The following COL1A2 variants were observed in gnomAD, a reference collection of about 807,000 sequenced individuals.
The protein encoded by COL1A2 is collagen type I alpha 2 chain, also known as collagen alpha-2(I) chain.
COL1A2 carries 49 observed loss-of-function variants against 174.3 expected under a neutral mutation model. That is an observed-to-expected ratio of 0.28 (90% CI 0.22 to 0.36). The LOEUF is 0.36. Ranked by LOEUF, COL1A2 falls within the 10% of genes least tolerant of loss-of-function variation. The probability of loss-of-function intolerance (pLI) is 1.00; values close to 1 mark genes in which losing one functional copy is unlikely to be tolerated. For synonymous variants in COL1A2, 655 were observed against 606.6 expected, an observed-to-expected ratio of 1.08 and a Z score of -1.17; for missense variants, 1,438 against 1,822.7, an observed-to-expected ratio of 0.79 and a Z score of 3.84.
At chr7:94,423,978 C>T (rs183110392) in intron 40 of COL1A2, 79 of 242,700 alleles carry the variant, frequency 3.3e-4, no homozygotes, top group Non-Finnish European at 5.6e-4. Flanking sequence ...TTGAGGAACC[C>T]CTCCTACTAT....
chr7:94,402,833 T>G (rs900799473), intron 6 of COL1A2, among the ~76,000 whole-genome samples: 21 of 152,158 alleles, frequency 1.4e-4, no homozygotes, highest in African/African-American at 4.8e-4. Context: ...GAAGATGTTC[T>G]GCTGGAGCTA....
chr7:94,408,829 A>C lies in COL1A2; in HGVS notation c.792+6A>C, dbSNP rs754653013. ...CAGGTGCCCCTGGCCCCAAGGTAAA[A>C]ACACTGGTGACCATTGTCACTACTT... is the stretch of plus-strand genomic sequence containing the variant. On this transcript the variant is annotated splice_donor_region_variant and intron_variant, in intron 16 of 51. Coordinates refer to ENST00000297268, the MANE Select transcript of COL1A2 (RefSeq NM_000089.4). 4 of 1,613,722 alleles carry C rather than the reference A, an allele frequency of 2.5e-6. No homozygotes were observed. The highest frequency in any genetic ancestry group is 2.5e-6 in the Non-Finnish European group (3 of 1,179,724).
At position 94,426,506 on chromosome 7, in the gene COL1A2, A is replaced by T; in HGVS notation, c.3081A>T (p.Gly1027=). 1 of 1,605,240 alleles carries T rather than the reference A, an allele frequency of 6.2e-7. No homozygotes were observed. Among genetic ancestry groups the T allele is most frequent in the Non-Finnish European group, 8.5e-7 (1 of 1,176,280 alleles). ...RGLPGLKGHN[G]LQGLPGIAGH... Reference sequence around the variant, plus strand: ...TTCCTGGCTTAAAGGGACACAATGGATTGCAAGGTCTGCCTGGTATCGCTG... The same window carrying T: ...TTCCTGGCTTAAAGGGACACAATGGTTTGCAAGGTCTGCCTGGTATCGCTG... Residue 1027 remains glycine, a synonymous_variant, in exon 46 of 52, where the codon GGA becomes GGT. Transcript: ENST00000297268.
chr7:94,430,256 A>C lies in COL1A2; in HGVS notation c.3964A>C (p.Asn1322His), dbSNP rs1792370422. Residue 1322 changes from asparagine to histidine, a missense_variant, in exon 52 of 52, where the codon AAT becomes CAT. Asn to His is a moderately conservative substitution (Grantham distance 68). This residue lies in a region of COL1A2 where 290 missense variants were observed against 298.1 expected (regional missense o/e 0.97). Transcript: ENST00000297268. ...TCTTCTCTTTAAACAGAAAAAGACAAATGAATGGGGAAAGACAATCATTGA... is the reference window on the plus strand; with the variant it reads ...TCTTCTCTTTAAACAGAAAAAGACACATGAATGGGGAAAGACAATCATTGA... ...VLVDGCSKKTNEWGKTIIEYK... is the reference protein window; with the variant it reads ...VLVDGCSKKTHEWGKTIIEYK... 5.0e-6 allele frequency: 8 copies of C among 1,613,840 alleles called. No homozygotes were observed. The highest frequency in any genetic ancestry group is 6.8e-6 in the Non-Finnish European group (8 of 1,179,880).
chr7:94,405,713 T>A lies in COL1A2; in HGVS notation c.527T>A (p.Phe176Tyr). Residue 176 changes from phenylalanine (F) to tyrosine (Y), a missense_variant, in exon 11 of 52, where the codon TTC becomes TAC. Transcript: ENST00000297268. Reference protein sequence around the residue: ...GFPGTPGLPGFKGIRGHNGLD... With the variant: ...GFPGTPGLPGYKGIRGHNGLD... ...CCTGGAACTCCTGGACTTCCTGGCT[T>A]CAAAGGCATTAGGGTGAGCACATTC... 3.1e-6 allele frequency: 5 copies of A among 1,613,602 alleles called. No homozygotes were observed. The highest frequency in any genetic ancestry group is 8.5e-7 in the Non-Finnish European group (1 of 1,179,506).
chr7:94,395,566 A>C (rs1791567054), intron 1 of COL1A2: 1 of 282,674 alleles, frequency 3.5e-6, no homozygotes, highest in African/African-American at 2.2e-5. Context: ...TCTTCTGGGC[A>C]TTGTAAGGCT....
chr7:94,424,706 C>T (rs114822556), intron 41 of COL1A2: 136 of 495,944 alleles, frequency 2.7e-4, no homozygotes, highest in African/African-American at 1.6e-3. Context: ...TCTCTAATTG[C>T]GTTTACTCCT....
Position 94,408,819 on chromosome 7 carries a change from C to G in COL1A2, c.788C>G (p.Pro263Arg), listed in dbSNP as rs765818365. ...CCAGGCTTCCCAGGTGCCCCTGGCC[C>G]CAAGGTAAAAACACTGGTGACCATT... is the stretch of plus-strand genomic sequence containing the variant. The part of the protein sequence containing the change: ...GPPGFPGAPG[P>R]KGEIGAVGNA... The change falls in exon 16 of 52, where the codon CCC becomes CGC. Residue 263 changes from proline to arginine, a missense_variant. By Grantham distance (103) the Pro-to-Arg change is moderately radical (BLOSUM62 -2). Around this residue, in one of 3 missense-constraint regions of COL1A2, gnomAD observed 867 missense variants for 1,213.7 expected, o/e 0.71. Transcript: ENST00000297268. The G allele has an allele frequency of 4.3e-6, 7 of 1,614,076 alleles. No homozygotes were observed. In the East Asian group the frequency reaches 1.3e-4, roughly 31 times the overall value.
rs756412829 is a variant in COL1A2 at position 94,412,613 on chromosome 7, C to T, written c.1434C>T (p.Gly478=). Residue 478 remains glycine, a synonymous_variant, in exon 25 of 52, where the codon GGC becomes GGT. Transcript: ENST00000297268. The part of the protein sequence containing the change: ...VGLPGIDGRP[G]PIGPAGARGE... ...TCCCTGGCATCGACGGCAGGCCTGG[C>T]CCAATTGGCCCAGCTGGAGCAAGAG... 2 of 1,613,910 alleles carry T rather than the reference C, an allele frequency of 1.2e-6. No individual in the cohort carries two copies. The highest frequency in any genetic ancestry group is 8.5e-7 in the Non-Finnish European group (1 of 1,179,932).
intron 30 of COL1A2, among the ~76,000 whole-genome samples, chr7:94,415,854 C>T (rs2621212): frequency 0.28 from 43,153 of 151,896 alleles, 6,236 homozygotes; most frequent in Non-Finnish European, 0.31. Flanking sequence ...GAATGCTATG[C>T]TCTAGTGATA....
chr7:94,417,131 A>G, intron 31 of COL1A2, among the ~76,000 whole-genome samples: 1 of 152,218 alleles, frequency 6.6e-6, no homozygotes, highest in Non-Finnish European at 1.5e-5. Flanking sequence ...ATTTTAGTGT[A>G]TGGAAGGATG....
chr7:94,416,626 C>G (rs1792046946), intron 31 of COL1A2, 123 bp downstream of exon 31: 2 of 767,192 alleles, frequency 2.6e-6, no homozygotes, highest in Non-Finnish European at 4.4e-6. Context: ...GTGATGACTT[C>G]CCTCTCAGTA....
chr7:94,409,452 G>C, intron 17 of COL1A2, 32 bp downstream of exon 17: 1 of 1,612,252 alleles, frequency 6.2e-7, no homozygotes, highest in Non-Finnish European at 8.5e-7. Context: ...ACTTTATTGA[G>C]TAAAAGAAAA....
chr7:94,421,204 C>T (rs571157914), intron 38 of COL1A2, 142 bp downstream of exon 38: 41 of 811,858 alleles, frequency 5.1e-5, no homozygotes, highest in Non-Finnish European at 7.1e-5. Context: ...AGAGCAATTC[C>T]GATATTGATG....
At chr7:94,421,114 A>G (rs1197696296) in intron 38 of COL1A2, 52 bp downstream of exon 38, 2 of 1,592,404 alleles carry the variant, frequency 1.3e-6, no homozygotes, top group Non-Finnish European at 1.7e-6. Flanking sequence ...GAATCTATTA[A>G]GGACACTTGA....
Position 94,409,391 on chromosome 7 carries a change from C to T in COL1A2, c.862C>T (p.Pro288Ser). The change falls in exon 17 of 52, where the codon CCA (proline) becomes TCA (serine). Residue 288 changes from proline (P) to serine (S), a missense_variant. Physicochemically the swap from Pro to Ser is moderately conservative, Grantham distance 74. Transcript: ENST00000297268. ...CGGTCCCCGTGGTGAAGTGGGTCTT[C>T]CAGGCCTCTCCGGCCCCGTTGGACC... ...PAGPRGEVGL[P>S]GLSGPVGPPG... 1 of 1,614,180 alleles carries T rather than the reference C, an allele frequency of 6.2e-7. No homozygotes were observed. Among genetic ancestry groups the T allele is most frequent in the Non-Finnish European group, 8.5e-7 (1 of 1,180,036 alleles).
Position 94,425,139 on chromosome 7 carries a change from T to C in COL1A2, c.2696T>C (p.Ile899Thr), listed in dbSNP as rs1245765830. Residue 899 changes from isoleucine (I) to threonine (T), a missense_variant, in exon 42 of 52, where the codon ATT becomes ACT. Coordinates refer to ENST00000297268, the MANE Select transcript of COL1A2 (RefSeq NM_000089.4). ...GAVGEPGPLGIAGPPGARGPP... is the reference protein window; with the variant it reads ...GAVGEPGPLGTAGPPGARGPP... ...TAGGGTGAACCTGGTCCTCTTGGCA[T>C]TGCCGGCCCTCCTGGGGCCCGTGGT... The C allele has an allele frequency of 1.9e-5, 30 of 1,613,936 alleles. No homozygotes were observed. The highest frequency in any genetic ancestry group is 2.1e-5 in the Non-Finnish European group (25 of 1,179,964).
At chr7:94,412,306 C>A (rs910071069) in intron 24 of COL1A2, among the ~76,000 whole-genome samples, 185 bp downstream of exon 24, 7 of 151,422 alleles carry the variant, frequency 4.6e-5, no homozygotes, top group African/African-American at 7.3e-5. Flanking sequence ...GAAAGCAGAG[C>A]AGGGGAGAGA....
intron 49 of COL1A2, 30 bp from the exon 50 acceptor site, chr7:94,428,263 T>A: frequency 6.4e-7 from 1 of 1,556,036 alleles, no homozygotes; most frequent in Non-Finnish European, 8.9e-7. Context: ...AATGAGAAGT[T>A]TCATGATCTG....
Sources: gnomAD v4.1 joint callset for allele counts (sites outside exome capture counted in the v4.1 genomes callset) on GRCh38, gnomAD v4.1.1 for gene constraint, gnomAD v4.1.1 regional missense constraint, MANE v1.5 for transcripts, NCBI Gene and HGNC (gene_info 2026-07-23, HGNC 2026-07-21) for gene names.